Variants in SLC13A3 observed in about 807,000 individuals in gnomAD.
SLC13A3 encodes Na(+)/dicarboxylate cotransporter 3.
A neutral mutation model predicts 59.0 loss-of-function variants in SLC13A3; 40 were observed. The ratio of observed to expected loss-of-function variants is 0.68; its 90% confidence interval spans 0.53 to 0.88. The LOEUF is 0.88. SLC13A3 is among the 40% of genes least tolerant of loss of function. The pLI is 0.00. For synonymous variants in SLC13A3, 317 were observed against 330.3 expected (o/e 0.96, Z 0.44); for missense variants, 699 against 783.2 (o/e 0.89, Z 1.28).
chr20:46,635,532 C>T (rs1247983492), intron 1 of SLC13A3, among the ~76,000 whole-genome samples: 4 of 152,216 alleles, frequency 2.6e-5, no homozygotes, highest in African/African-American at 9.7e-5. Context: ...TTTTCCAGGA[C>T]ACCTTCCGGA....
At chr20:46,674,128 C>T (rs1288570351), upstream of SLC13A3, among the ~76,000 whole-genome samples, 1 of 152,152 alleles carries the variant, frequency 6.6e-6, no homozygotes, top group Non-Finnish European at 1.5e-5. Context: ...CTTCCCTCCA[C>T]AGAAGGGACT....
intron 1 of SLC13A3, among the ~76,000 whole-genome samples, chr20:46,616,728 C>G (rs2062559510): frequency 6.6e-6 from 1 of 152,168 alleles, no homozygotes; most frequent in African/African-American, 2.4e-5. Flanking sequence ...TAGAGAAGCT[C>G]CTGGAATCCC....
chr20:46,579,043 G>A (rs1028192811), intron 9 of SLC13A3, among the ~76,000 whole-genome samples: 1 of 152,200 alleles, frequency 6.6e-6, no homozygotes, highest in Non-Finnish European at 1.5e-5. Flanking sequence ...ATAGTGGGGT[G>A]AGTATAAGAA....
chr20:46,579,465 C>G lies in SLC13A3; in HGVS notation c.1220-3780G>C, dbSNP rs553492456. On this transcript the variant is annotated intron_variant, in intron 9 of 12. Transcript: ENST00000279027. ...GAGCAGGGTGACCTTAAACAAGTCA[C>G]TTTCTCTCTATGGAAACTTACTGAC... 5.3e-5 allele frequency among the ~76,000 whole-genome samples: 8 copies of G among 152,278 alleles called. No homozygotes were observed. In the South Asian group the frequency reaches 1.5e-3, roughly 28 times the overall value.
chr20:46,679,593 G>A (rs867436961), intron 1 of SLC13A3, among the ~76,000 whole-genome samples: 3 of 150,784 alleles, frequency 2.0e-5, no homozygotes, highest in Non-Finnish European at 4.4e-5. Context: ...TAGCCTGGGC[G>A]ACAGAGCGAG....
Position 46,613,443 on chromosome 20 carries a change from C to T in SLC13A3, c.377+17G>A, listed in dbSNP as rs530851548. 3.2e-6 allele frequency: 5 copies of T among 1,563,946 alleles called. No individual in the cohort carries two copies. The African/African-American group carries it at 4.0e-5, about 13-fold the overall frequency. On this transcript the variant is annotated intron_variant, in intron 2 of 12. Transcript: ENST00000279027. ...CTGCCTCTCCGCTGTAGGGCTGGAA[C>T]CATTACCTGTTCTTACCTGGCCGGC...
At chr20:46,630,002 G>A (rs778205440) in intron 1 of SLC13A3, among the ~76,000 whole-genome samples, 2 of 152,100 alleles carry the variant, frequency 1.3e-5, no homozygotes, top group African/African-American at 2.4e-5. Context: ...TTTTAAGACC[G>A]GTTCTTTGTT....
chr20:46,627,160 C>T (rs997693715), intron 1 of SLC13A3, among the ~76,000 whole-genome samples: 2 of 152,176 alleles, frequency 1.3e-5, no homozygotes, highest in Non-Finnish European at 2.9e-5. Flanking sequence ...TTCTCAGTGC[C>T]TCAACAGGTA....
At chr20:46,655,985 G>T (rs2122899609), upstream of SLC13A3, among the ~76,000 whole-genome samples, 1 of 136,564 alleles carries the variant, frequency 7.3e-6, no homozygotes, top group South Asian at 2.2e-4. Flanking sequence ...ATGTATATAT[G>T]TATATATGTA....
At position 46,599,303 on chromosome 20, in the gene SLC13A3, C is replaced by T. The variant is rs528727863; in HGVS notation, c.608+668G>A. Among the ~76,000 whole-genome samples, 3 of 152,368 alleles carry T rather than the reference C, an allele frequency of 2.0e-5. No homozygotes were observed. The South Asian group carries it at 6.2e-4, about 32-fold the overall frequency. On this transcript the variant is annotated intron_variant, in intron 4 of 12. Transcript: ENST00000279027. ...ATGCCCAGCACTGCCTTGAGCAGAT[C>T]GCTTGGCTCCCTGTTGTGTCATCAC...
intron 9 of SLC13A3, among the ~76,000 whole-genome samples, chr20:46,580,247 C>T (rs879413202): frequency 3.1e-4 from 47 of 152,064 alleles, no homozygotes; most frequent in Non-Finnish European, 6.3e-4. Flanking sequence ...TGAGCCACTG[C>T]GCCCAGCCTC....
At chr20:46,633,242 C>G (rs2062762343) in intron 1 of SLC13A3, among the ~76,000 whole-genome samples, 1 of 152,096 alleles carries the variant, frequency 6.6e-6, no homozygotes, top group Non-Finnish European at 1.5e-5. Flanking sequence ...AAAGAAGAGA[C>G]AGAACCCAAG....
rs552747423 is a variant in SLC13A3, at chr20:46,613,731, G to A, written c.112-6C>T. On this transcript the variant is annotated splice_region_variant and splice_polypyrimidine_tract_variant and intron_variant, in intron 1 of 12. Transcript: ENST00000279027. ...ACAAACAAGCAGCGGCCTTCCTGCA[G>A]GAGGAGATGCATGCTCAGAGGGTCA... 5.7e-6 allele frequency: 9 copies of A among 1,591,288 alleles called. No individual in the cohort carries two copies. The South Asian group carries it at 9.2e-5, about 16-fold the overall frequency.
intron 5 of SLC13A3, among the ~76,000 whole-genome samples, chr20:46,593,774 A>G (rs2062282899): frequency 1.3e-5 from 2 of 152,200 alleles, no homozygotes; most frequent in African/African-American, 4.8e-5. Context: ...AAAAATTTTA[A>G]TAATAAAATC....
intron 1 of SLC13A3, among the ~76,000 whole-genome samples, chr20:46,677,834 T>C (rs749018993): frequency 6.6e-6 from 1 of 151,942 alleles, no homozygotes; most frequent in Non-Finnish European, 1.5e-5. Context: ...CTGGGGCAAA[T>C]TGGAAAGCAC....
At chr20:46,582,720 G>A in intron 9 of SLC13A3, 2 of 985,214 alleles carry the variant, frequency 2.0e-6, no homozygotes, top group Non-Finnish European at 2.4e-6. Context: ...CCATGGCTGG[G>A]GCTATCCTGA....
chr20:46,596,103 G>A (rs1192527287), intron 5 of SLC13A3, 54 bp downstream of exon 5: 1 of 1,518,162 alleles, frequency 6.6e-7, no homozygotes, highest in East Asian at 2.3e-5. Flanking sequence ...ATGAAGGAGG[G>A]AAGAGGAGGG....
intron 10 of SLC13A3, among the ~76,000 whole-genome samples, chr20:46,573,221 T>TA (rs2062045648): frequency 2.0e-5 from 3 of 152,182 alleles, no homozygotes; most frequent in Admixed American, 2.0e-4. Flanking sequence ...CAGATCCCCA[T>TA]CAGTGGAGAT....
intron 1 of SLC13A3, among the ~76,000 whole-genome samples, chr20:46,631,346 G>T (rs2062734002): frequency 6.6e-6 from 1 of 152,198 alleles, no homozygotes; most frequent in Admixed American, 6.5e-5. Context: ...CTAACTTTTA[G>T]TACATACAAT....
Sources: gnomAD v4.1 joint callset for allele counts (sites outside exome capture counted in the v4.1 genomes callset) on GRCh38, gnomAD v4.1.1 for gene constraint, MANE v1.5 for transcripts, NCBI Gene and HGNC (gene_info 2026-07-23, HGNC 2026-07-21) for gene names.